The following GREB1 variants were observed in gnomAD, a reference collection of about 807,000 sequenced individuals.
GREB1 encodes the protein growth regulating estrogen receptor binding 1.
Under a neutral mutation model 200.7 loss-of-function variants are expected in GREB1, and 106 were observed. The ratio of observed to expected loss-of-function variants is 0.53; its 90% confidence interval spans 0.45 to 0.62. The LOEUF (loss-of-function observed/expected upper bound fraction) is 0.62. GREB1 is among the 20% of genes least tolerant of loss of function. The pLI, the probability that GREB1 is intolerant of heterozygous loss-of-function variation, is 0.00. For synonymous variants in GREB1, 1,132 were observed against 1,092.4 expected, an observed-to-expected ratio of 1.04 and a Z score of -0.72; for missense variants, 2,243 against 2,556.8, an observed-to-expected ratio of 0.88 and a Z score of 2.65.
intron 23 of GREB1, among the ~76,000 whole-genome samples, chr2:11,623,848 C>T (rs1684209065): frequency 6.6e-6 from 1 of 152,060 alleles, no homozygotes; most frequent in Admixed American, 6.5e-5. Flanking sequence ...GAGATGGTGC[C>T]ACTCCATCCT....
intron 10 of GREB1, among the ~76,000 whole-genome samples, chr2:11,590,652 C>G (rs1342231933): frequency 6.6e-6 from 1 of 152,152 alleles, no homozygotes; most frequent in Non-Finnish European, 1.5e-5. Context: ...TCTTTAGGCA[C>G]CAGGAATTAG....
intron 1 of GREB1, among the ~76,000 whole-genome samples, chr2:11,549,167 T>C (rs985869816): frequency 7.9e-5 from 12 of 152,180 alleles, no homozygotes; most frequent in African/African-American, 2.7e-4. Flanking sequence ...TTTGGGAATC[T>C]CATTTTCTCC....
At chr2:11,525,882 C>T (rs979924302) in intron 1 of GREB1, among the ~76,000 whole-genome samples, 22 of 152,188 alleles carry the variant, frequency 1.4e-4, no homozygotes, top group African/African-American at 4.6e-4. Flanking sequence ...CATGCTCTGC[C>T]GTGCCCTGAT....
chr2:11,618,834 C>T lies in GREB1; in HGVS notation c.3959C>T (p.Pro1320Leu). The T allele has an allele frequency of 6.2e-7, 1 of 1,604,228 alleles. No individual in the cohort carries two copies. Among genetic ancestry groups the T allele is most frequent in the Non-Finnish European group, 8.5e-7 (1 of 1,178,942 alleles). ...TACCGGCAGTGGACGGTGCCCCGGC[C>T]CAGCCACATGGACTACGGCAACCGG... ...LYYRQWTVPRPSHMDYGNRAE... is the reference protein window; with the variant it reads ...LYYRQWTVPRLSHMDYGNRAE... The change falls in exon 22 of 33, where the codon CCC becomes CTC. Residue 1320 changes from proline (P) to leucine (L), a missense_variant. Physicochemically the swap from Pro to Leu is moderately conservative, Grantham distance 98. This residue lies in a region of GREB1 where 587 missense variants were observed against 553.1 expected (regional missense o/e 1.06). Transcript: ENST00000381486.
chr2:11,572,826 C>CT (rs1432209866), intron 4 of GREB1, among the ~76,000 whole-genome samples: 1 of 152,036 alleles, frequency 6.6e-6, no homozygotes, highest in Admixed American at 6.6e-5. Context: ...AACTCCAGCA[C>CT]TTTCTACCCT....
At chr2:11,624,820 A>AT (rs35822565) in intron 23 of GREB1, among the ~76,000 whole-genome samples, 39 of 151,016 alleles carry the variant, frequency 2.6e-4, no homozygotes, top group African/African-American at 7.8e-4. Context: ...TATTTTTGCA[A>AT]TTTTTTTTTT....
intron 21 of GREB1, among the ~76,000 whole-genome samples, chr2:11,617,043 C>G (rs538623563): frequency 6.6e-6 from 1 of 152,306 alleles, no homozygotes; most frequent in South Asian, 2.1e-4. Flanking sequence ...GGGTGTTCTC[C>G]CTGCCGTTGT....
At chr2:11,536,028 GCT>G (rs1435665640) in intron 1 of GREB1, among the ~76,000 whole-genome samples, 1 of 151,998 alleles carries the variant, frequency 6.6e-6, no homozygotes, top group Non-Finnish European at 1.5e-5. Context: ...CATGTTCTCT[GCT>G]CTCCTGGGGA....
At chr2:11,540,595 G>A (rs1460159656) in intron 1 of GREB1, 1 of 154,504 alleles carries the variant, frequency 6.5e-6, no homozygotes, top group Non-Finnish European at 1.5e-5. Context: ...TCGGGGCTGA[G>A]CTGTGGCTGT....
At chr2:11,553,518 A>G (rs1676136667) in intron 1 of GREB1, among the ~76,000 whole-genome samples, 1 of 151,966 alleles carries the variant, frequency 6.6e-6, no homozygotes, top group African/African-American at 2.4e-5. Context: ...CCACTTTTCT[A>G]TGCTGTCTTG....
chr2:11,506,864 G>A (rs1221140225), intron 1 of GREB1, among the ~76,000 whole-genome samples: 4 of 152,112 alleles, frequency 2.6e-5, no homozygotes, highest in South Asian at 2.1e-4. Context: ...AGACTGCACT[G>A]TACTGTGGAT....
chr2:11,589,061 CACTGGCGGG>C (rs1680467961), intron 10 of GREB1, 130 bp downstream of exon 10: 1 of 702,852 alleles, frequency 1.4e-6, no homozygotes. Context: ...CTTATGGCTT[CACTGGCGGG>C]ACGTCATGAA....
intron 1 of GREB1, among the ~76,000 whole-genome samples, chr2:11,508,821 G>A (rs6739168): frequency 0.98 from 148,862 of 151,702 alleles, 73,067 homozygotes; most frequent in South Asian, 1. Flanking sequence ...GTTGTCTTCC[G>A]AAACATGAAG....
At chr2:11,574,802 T>C (rs1368535316) in intron 4 of GREB1, among the ~76,000 whole-genome samples, 1 of 152,094 alleles carries the variant, frequency 6.6e-6, no homozygotes, top group African/African-American at 2.4e-5. Flanking sequence ...TCCCTGTGAG[T>C]GTTAGTTCCC....
chr2:11,607,490 A>G (rs964326292), intron 17 of GREB1, among the ~76,000 whole-genome samples: 6 of 145,428 alleles, frequency 4.1e-5, no homozygotes, highest in Admixed American at 2.7e-4. Context: ...ATACATATAT[A>G]TACACATATA....
intron 1 of GREB1, among the ~76,000 whole-genome samples, chr2:11,508,954 A>C: frequency 6.8e-6 from 1 of 148,042 alleles, no homozygotes; most frequent in African/African-American, 2.5e-5. Flanking sequence ...GGCTCACTGC[A>C]AGCTCCGCCT....
chr2:11,628,756 C>T (rs1273025172), intron 25 of GREB1, among the ~76,000 whole-genome samples: 1 of 152,158 alleles, frequency 6.6e-6, no homozygotes, highest in Non-Finnish European at 1.5e-5. Flanking sequence ...GTAGTGCCAT[C>T]AGGACCTCGG....
intron 31 of GREB1, among the ~76,000 whole-genome samples, chr2:11,638,306 A>G (rs1383297845): frequency 6.6e-6 from 1 of 152,128 alleles, no homozygotes; most frequent in Non-Finnish European, 1.5e-5. Flanking sequence ...ACGCCTGGCT[A>G]ATTTTTGTAT....
At position 11,511,634 on chromosome 2, in the gene GREB1, G is replaced by A. The variant is rs148213585; in HGVS notation, c.-159+29253G>A. Among the ~76,000 whole-genome samples, 503 of 152,284 alleles carry A rather than the reference G, an allele frequency of 3.3e-3. 6 individuals carry two copies. Among genetic ancestry groups the A allele is most frequent in the African/African-American group, 0.011 (475 of 41,562 alleles). On this transcript the variant is annotated intron_variant, in intron 1 of 2. Transcript: ENST00000628795. ...GAGAGGAGGGCGTCTGCGCAGGAGA[G>A]CAGCATTCATGTCTCACTGCTCCTC...
Sources: gnomAD v4.1 joint callset for allele counts (sites outside exome capture counted in the v4.1 genomes callset) on GRCh38, gnomAD v4.1.1 for gene constraint, gnomAD v4.1.1 regional missense constraint, MANE v1.5 for transcripts, NCBI Gene and HGNC (gene_info 2026-07-23, HGNC 2026-07-21) for gene names.